GHR: variants seen among roughly 807,000 people sequenced by gnomAD.
GHR encodes GH receptor.
Under a neutral mutation model 67.1 loss-of-function variants are expected in GHR, and 35 were observed. The observed-to-expected ratio is 0.52, with a 90% confidence interval of 0.40 to 0.69. GHR has a LOEUF of 0.69. Ranked by LOEUF, GHR falls within the 30% of genes least tolerant of loss-of-function variation. The probability of loss-of-function intolerance (pLI) is 0.00; values close to 1 mark genes in which losing one functional copy is unlikely to be tolerated. For missense variants in GHR, 792 were observed against 764.6 expected (o/e 1.04, Z -0.42); for synonymous variants, 272 against 269.1 (o/e 1.01, Z -0.10).
intron 6 of GHR, among the ~76,000 whole-genome samples, chr5:42,710,572 T>G (rs1336218436): frequency 6.6e-6 from 1 of 152,040 alleles, no homozygotes; most frequent in Non-Finnish European, 1.5e-5. Context: ...ACCAAAGAAC[T>G]CCGGTGACTT....
At chr5:42,624,036 T>C (rs4594864) in intron 2 of GHR, among the ~76,000 whole-genome samples, 21,336 of 152,242 alleles carry the variant, frequency 0.14, 1,695 homozygotes, top group Non-Finnish European at 0.16. Flanking sequence ...GCTTTACTTT[T>C]TAACCAGCAC....
chr5:42,435,662 A>T (rs2111924779), intron 1 of GHR, among the ~76,000 whole-genome samples: 1 of 152,326 alleles, frequency 6.6e-6, no homozygotes, highest in Non-Finnish European at 1.5e-5. Context: ...TTAGTACAGT[A>T]CTATTAACTA....
At chr5:42,532,410 ACACACT>A (rs541739648) in intron 1 of GHR, among the ~76,000 whole-genome samples, 3 of 152,162 alleles carry the variant, frequency 2.0e-5, no homozygotes, top group Non-Finnish European at 4.4e-5. Context: ...AGGCTACAAT[ACACACT>A]CATGTACCTG....
chr5:42,571,677 C>G (rs911966449), intron 2 of GHR, among the ~76,000 whole-genome samples: 1 of 152,110 alleles, frequency 6.6e-6, no homozygotes. Flanking sequence ...TACTCAGAAC[C>G]CTGAATGTTA....
intron 1 of GHR, among the ~76,000 whole-genome samples, chr5:42,485,951 T>G (rs1292797398): frequency 1.3e-5 from 2 of 152,228 alleles, no homozygotes; most frequent in African/African-American, 4.8e-5. Flanking sequence ...ATGATCTGTT[T>G]ACCTGCTCTG....
At chr5:42,569,376 T>C (rs1750142568) in intron 2 of GHR, among the ~76,000 whole-genome samples, 1 of 152,230 alleles carries the variant, frequency 6.6e-6, no homozygotes, top group African/African-American at 2.4e-5. Flanking sequence ...TATTTGTAAT[T>C]ATTCCCTTTG....
At chr5:42,496,117 T>A (rs1746310776) in intron 1 of GHR, among the ~76,000 whole-genome samples, 1 of 152,194 alleles carries the variant, frequency 6.6e-6, no homozygotes, top group African/African-American at 2.4e-5. Context: ...GTGATTCATC[T>A]CTTCTCCTGT....
intron 6 of GHR, among the ~76,000 whole-genome samples, chr5:42,707,953 T>A (rs1758261881): frequency 6.6e-6 from 1 of 152,166 alleles, no homozygotes; most frequent in Non-Finnish European, 1.5e-5. Flanking sequence ...TAGACTACTT[T>A]AAATTGGACT....
In GHR at chr5:42,619,415, C is replaced by T. The variant is rs775794131; in HGVS notation, c.71-9623C>T. Among the ~76,000 whole-genome samples, 273 of 152,106 alleles carry T rather than the reference C, an allele frequency of 1.8e-3. 3 individuals carry two copies. Among genetic ancestry groups the T allele is most frequent in the Middle Eastern group, 3.4e-3 (1 of 294 alleles). On this transcript the variant is annotated intron_variant, in intron 2 of 9. Transcript: ENST00000230882. ...TCTTCCACAAAACATCTGTGTGGCTCATTACCATACCTTCAGATCTATAAC... is the reference window on the plus strand; with the variant it reads ...TCTTCCACAAAACATCTGTGTGGCTTATTACCATACCTTCAGATCTATAAC...
Position 42,551,874 on chromosome 5 carries a change from T to G in GHR, c.-11-13990T>G, listed in dbSNP as rs148224655. ...CATTTGAGAGTAAAGTTTTAACTGG[T>G]AACATGATCACAAGTGGTTGAAAAG... On this transcript the variant is annotated intron_variant, in intron 1 of 9. Coordinates refer to ENST00000230882, the MANE Select transcript of GHR (RefSeq NM_000163.5). Among the ~76,000 whole-genome samples the G allele has an allele frequency of 2.0e-3, 303 of 152,346 alleles. 1 individual carries two copies. The highest frequency in any genetic ancestry group is 7.0e-3 in the African/African-American group (290 of 41,578).
At chr5:42,713,908 T>C in intron 8 of GHR, 1 of 181,874 alleles carries the variant, frequency 5.5e-6, no homozygotes, top group Non-Finnish European at 1.2e-5. Flanking sequence ...AGTCCTTATA[T>C]ACAGACAATT....
intron 1 of GHR, among the ~76,000 whole-genome samples, chr5:42,477,368 A>T (rs1340420544): frequency 6.6e-6 from 1 of 152,200 alleles, no homozygotes; most frequent in Non-Finnish European, 1.5e-5. Context: ...TTATAGCAGC[A>T]TGATTTATAA....
At chr5:42,504,428 T>C (rs1746669979) in intron 1 of GHR, among the ~76,000 whole-genome samples, 1 of 152,176 alleles carries the variant, frequency 6.6e-6, no homozygotes, top group African/African-American at 2.4e-5. Flanking sequence ...AATGATCTTC[T>C]ACCTCAGTCT....
chr5:42,679,189 A>G (rs1756730377), intron 3 of GHR, among the ~76,000 whole-genome samples: 1 of 145,914 alleles, frequency 6.9e-6, no homozygotes, highest in Non-Finnish European at 1.5e-5. Flanking sequence ...ATTGTATATT[A>G]TATATTAATA....
In GHR at chr5:42,483,090, A is replaced by C. The variant is rs527242840; in HGVS notation, c.-12+59135A>C. Among the ~76,000 whole-genome samples, 332 of 152,228 alleles carry C rather than the reference A, an allele frequency of 2.2e-3. 1 individual carries two copies. Among genetic ancestry groups the C allele is most frequent in the African/African-American group, 7.8e-3 (325 of 41,546 alleles). On this transcript the variant is annotated intron_variant, in intron 1 of 9. Coordinates refer to ENST00000230882, the MANE Select transcript of GHR (RefSeq NM_000163.5). Reference sequence around the variant, plus strand: ...ACTTACTCTCTCTTTATTTTTTGAGACAGGGTCTCACTTTGTCATCCAGGC... The same window carrying C: ...ACTTACTCTCTCTTTATTTTTTGAGCCAGGGTCTCACTTTGTCATCCAGGC...
At chr5:42,711,724 G>GA (rs774534455) in intron 7 of GHR, among the ~76,000 whole-genome samples, 3 of 151,804 alleles carry the variant, frequency 2.0e-5, no homozygotes, top group Admixed American at 6.6e-5. Flanking sequence ...TTATAATCAG[G>GA]AAAAAAAGCT....
chr5:42,443,964 T>TATAG (rs1221582969), intron 1 of GHR, among the ~76,000 whole-genome samples: 169 of 149,226 alleles, frequency 1.1e-3, no homozygotes, highest in African/African-American at 4.1e-3. Context: ...TATAGATAGA[T>TATAG]ATAGATATAG....
At chr5:42,574,401 T>C (rs1750524443) in intron 2 of GHR, among the ~76,000 whole-genome samples, 1 of 152,272 alleles carries the variant, frequency 6.6e-6, no homozygotes, top group Admixed American at 6.5e-5. Flanking sequence ...CTCTAGTATT[T>C]GCTCTGAACT....
intron 1 of GHR, among the ~76,000 whole-genome samples, chr5:42,536,851 T>C (rs1748279505): frequency 1.3e-5 from 2 of 152,114 alleles, no homozygotes; most frequent in African/African-American, 4.8e-5. Flanking sequence ...TTGCTATTGG[T>C]CTGTTCAGGT....
Sources: gnomAD v4.1 joint callset for allele counts (sites outside exome capture counted in the v4.1 genomes callset) on GRCh38, gnomAD v4.1.1 for gene constraint, MANE v1.5 for transcripts, NCBI Gene and HGNC (gene_info 2026-07-23, HGNC 2026-07-21) for gene names.